UBR1: variants seen among roughly 807,000 people sequenced by gnomAD.
UBR1 encodes ubiquitin protein ligase E3 component n-recognin 1.
Under a neutral mutation model 242.1 loss-of-function variants are expected in UBR1, and 102 were observed. The observed-to-expected ratio is 0.42, with a 90% CI of 0.36 to 0.50. UBR1 has a LOEUF of 0.50. Among genes scored for constraint, UBR1 ranks in the 20% least tolerant of loss-of-function variants. UBR1 has a pLI of 0.01. For synonymous variants in UBR1, 675 were observed against 684.8 expected, an observed-to-expected ratio of 0.99 and a Z score of 0.22; for missense variants, 1,772 against 2,101.8, an observed-to-expected ratio of 0.84 and a Z score of 3.07.
At chr15:43,056,619 A>T (rs1341019551) in intron 10 of UBR1, among the ~76,000 whole-genome samples, 177 bp from the exon 11 acceptor site, 1 of 152,242 alleles carries the variant, frequency 6.6e-6, no homozygotes, top group East Asian at 1.9e-4. Flanking sequence ...AGAATAACAA[A>T]CAACAAATCA....
intron 33 of UBR1, among the ~76,000 whole-genome samples, chr15:42,993,244 C>A (rs2032583653): frequency 6.6e-6 from 1 of 152,092 alleles, no homozygotes; most frequent in African/African-American, 2.4e-5. Flanking sequence ...AATGATAATT[C>A]TTAAATTTTG....
intron 14 of UBR1, among the ~76,000 whole-genome samples, chr15:43,046,450 A>G (rs2033487703): frequency 6.6e-6 from 1 of 152,206 alleles, no homozygotes; most frequent in Non-Finnish European, 1.5e-5. Flanking sequence ...AAAGAGTAGG[A>G]AACACAAGTC....
intron 32 of UBR1, 35 bp from the exon 33 acceptor site, chr15:42,998,300 G>C (rs2032670885): frequency 6.4e-7 from 1 of 1,564,316 alleles, no homozygotes; most frequent in African/African-American, 1.4e-5. Context: ...TTACAACCAT[G>C]GGTACAAAGT....
Position 43,038,152 on chromosome 15 carries a change from A to G in UBR1, c.1911+19T>C, listed in dbSNP as rs377744150. On this transcript the variant is annotated intron_variant, in intron 16 of 46. Coordinates refer to ENST00000290650, the MANE Select transcript of UBR1 (RefSeq NM_174916.3). ...AGAAACAGAATATAAGCAAATCAAT[A>G]CTTAGTAGAATCACTTACAAAAGAC... 1.1e-3 allele frequency: 1,760 copies of G among 1,612,880 alleles called. 2 individuals carry two copies. The highest frequency in any genetic ancestry group is 1.4e-3 in the Non-Finnish European group (1,657 of 1,178,854).
rs758384909 is a variant in UBR1 at position 43,037,891 on chromosome 15, AGAGT to A, written c.1912-12_1912-9del. The A allele has an allele frequency of 3.1e-6, 5 of 1,608,070 alleles. No individual in the cohort carries two copies. In the African/African-American group the frequency reaches 6.7e-5, roughly 21 times the overall value. ...CTCTACTTGAAAGTCCTCCTGAAAT[AGAGT>A]GAGTTCAATTTTATCATTTCTCACA... On this transcript the variant is annotated splice_polypyrimidine_tract_variant and intron_variant, in intron 16 of 46. Coordinates refer to ENST00000290650, the MANE Select transcript of UBR1 (RefSeq NM_174916.3).
At chr15:43,071,826 T>C (rs2033828102) in intron 4 of UBR1, among the ~76,000 whole-genome samples, 1 of 152,174 alleles carries the variant, frequency 6.6e-6, no homozygotes, top group South Asian at 2.1e-4. Flanking sequence ...CATCAGGGAA[T>C]GCAAACCCAA....
intron 39 of UBR1, among the ~76,000 whole-genome samples, chr15:42,973,079 A>G (rs2032232745): frequency 6.6e-6 from 1 of 152,172 alleles, no homozygotes; most frequent in African/African-American, 2.4e-5. Context: ...TTAACTTGCA[A>G]TTCCCTAATG....
chr15:42,970,438 A>T, intron 40 of UBR1, 82 bp downstream of exon 40: 1 of 1,396,720 alleles, frequency 7.2e-7, no homozygotes, highest in Non-Finnish European at 1.0e-6. Context: ...TGGAATTTAA[A>T]TGATTCAAAT....
Position 42,988,830 on chromosome 15 carries a change from A to C in UBR1, c.3986T>G (p.Ile1329Ser), listed in dbSNP as rs2032513624. 5.0e-6 allele frequency: 8 copies of C among 1,614,224 alleles called. No individual in the cohort carries two copies. Among genetic ancestry groups the C allele is most frequent in the Non-Finnish European group, 6.8e-6 (8 of 1,180,036 alleles). The change falls in exon 35 of 47, where the codon ATC (isoleucine) becomes AGC (serine). Residue 1329 changes from isoleucine to serine, a missense_variant. Coordinates refer to ENST00000290650, the MANE Select transcript of UBR1 (RefSeq NM_174916.3). ...MLTWSTCAFTIQAIENLLGDE... is the reference protein window; with the variant it reads ...MLTWSTCAFTSQAIENLLGDE... ...CTTATGAGCTTTACCAATTGCCTGG[A>C]TAGTGAAAGCGCAGGTGCTCCAGGT... is the stretch of plus-strand genomic sequence containing the variant.
At chr15:43,057,911 CTT>C (rs758431765) in intron 10 of UBR1, among the ~76,000 whole-genome samples, 17 of 142,726 alleles carry the variant, frequency 1.2e-4, no homozygotes, top group East Asian at 2.0e-4. Flanking sequence ...TGAGAACGAA[CTT>C]TTTTTTTTTT....
chr15:42,963,421 T>C lies in UBR1; in HGVS notation c.4700+514A>G, dbSNP rs1284155788. Among the ~76,000 whole-genome samples the C allele has an allele frequency of 2.0e-5, 3 of 152,246 alleles. No homozygotes were observed. The South Asian group carries it at 6.2e-4, about 32-fold the overall frequency. ...GTAAGAAGACTGGAGGTTAGCAGCATTGACAGTGCACAAGAGGGCCAGTAA... is the reference window on the plus strand; with the variant it reads ...GTAAGAAGACTGGAGGTTAGCAGCACTGACAGTGCACAAGAGGGCCAGTAA... On this transcript the variant is annotated intron_variant, in intron 42 of 46. Coordinates refer to ENST00000290650, the MANE Select transcript of UBR1 (RefSeq NM_174916.3).
chr15:42,977,752 G>C (rs1372884618), intron 38 of UBR1, 128 bp downstream of exon 38: 11 of 780,788 alleles, frequency 1.4e-5, no homozygotes, highest in Non-Finnish European at 2.0e-5. Context: ...ACAATGGACA[G>C]GAGAGACCAA....
At chr15:43,022,942 A>C (rs1260609433) in intron 25 of UBR1, 141 bp from the exon 26 acceptor site, 1 of 548,762 alleles carries the variant, frequency 1.8e-6, no homozygotes, top group Non-Finnish European at 3.2e-6. Flanking sequence ...AGCTTACTGC[A>C]GCCTTAAGCT....
intron 6 of UBR1, among the ~76,000 whole-genome samples, chr15:43,066,308 T>C (rs1046653605): frequency 3.6e-4 from 55 of 152,340 alleles, no homozygotes; most frequent in African/African-American, 1.3e-3. Context: ...AGTTCTCTAT[T>C]ATGTTCCATT....
intron 6 of UBR1, among the ~76,000 whole-genome samples, chr15:43,062,155 C>T (rs1767070649): frequency 6.6e-6 from 1 of 152,092 alleles, no homozygotes; most frequent in African/African-American, 2.4e-5. Flanking sequence ...CCCAAAAGAA[C>T]TGAAAGCAAG....
At chr15:43,033,167 G>A (rs549652897) in intron 19 of UBR1, among the ~76,000 whole-genome samples, 7 of 151,958 alleles carry the variant, frequency 4.6e-5, no homozygotes, top group South Asian at 2.1e-4. Context: ...AGTGGCATGC[G>A]CCACTGCTCC....
rs2033459260 is a variant in UBR1 at position 43,044,494 on chromosome 15, T to C, written c.1669-1099A>G. Among the ~76,000 whole-genome samples, 3 of 152,216 alleles carry C rather than the reference T, an allele frequency of 2.0e-5. No individual in the cohort carries two copies. The South Asian group carries it at 6.2e-4, about 32-fold the overall frequency. ...GACATTAAAGACCATTCTTTTAAGA[T>C]AATGTTTCTAATTTAATCTTGAAAA... On this transcript the variant is annotated intron_variant, in intron 14 of 46. Coordinates refer to ENST00000290650, the MANE Select transcript of UBR1 (RefSeq NM_174916.3).
At chr15:43,000,170 A>C (rs1391528791) in intron 32 of UBR1, among the ~76,000 whole-genome samples, 2 of 152,340 alleles carry the variant, frequency 1.3e-5, no homozygotes, top group South Asian at 2.1e-4. Context: ...AAATCCAAAA[A>C]AGGCAAATAT....
chr15:43,059,003 A>C, intron 9 of UBR1, 82 bp downstream of exon 9: 1 of 1,080,716 alleles, frequency 9.3e-7, no homozygotes, highest in South Asian at 1.3e-5. Context: ...TAATTTAATA[A>C]ACAAAAGATA....
Sources: allele counts gnomAD v4.1 joint callset (sites outside exome capture counted in the v4.1 genomes callset), GRCh38; gene constraint gnomAD v4.1.1; transcripts MANE v1.5; gene names NCBI Gene and HGNC (gene_info 2026-07-23, HGNC 2026-07-21).